CGNL1: variants seen among roughly 807,000 people sequenced by gnomAD.
CGNL1 encodes cingulin-like protein 1.
In CGNL1, 132 loss-of-function variants were observed where a neutral mutation model predicts 141.2. The observed-to-expected ratio is 0.93, with a 90% CI of 0.81 to 1.08. The LOEUF (loss-of-function observed/expected upper bound fraction) is 1.08, where lower values mean the gene tolerates loss of function less well. Ranked by LOEUF, CGNL1 falls within the 50% of genes least tolerant of loss-of-function variation. The pLI is 0.00. For missense variants in CGNL1, 1,870 were observed against 1,588.6 expected, an observed-to-expected ratio of 1.18 and a Z score of -3.01; for synonymous variants, 690 against 622.1, an observed-to-expected ratio of 1.11 and a Z score of -1.63.
chr15:57,405,062 C>T (rs1360620378), intron 1 of CGNL1: 1 of 152,022 alleles, frequency 6.6e-6, no homozygotes, highest in Non-Finnish European at 1.5e-5. Flanking sequence ...GCTTTCTTTC[C>T]TTTCTTTTTT....
intron 4 of CGNL1, among the ~76,000 whole-genome samples, chr15:57,447,994 T>C (rs1395961707): frequency 6.6e-6 from 1 of 152,232 alleles, no homozygotes; most frequent in Non-Finnish European, 1.5e-5. Flanking sequence ...ATCCTTCATT[T>C]AAAGGATGGT....
Position 57,422,545 on chromosome 15 carries a change from C to A in CGNL1, c.-15-15440C>A, listed in dbSNP as rs138618051. On this transcript the variant is annotated intron_variant, in intron 1 of 18. Coordinates refer to ENST00000281282, the MANE Select transcript of CGNL1 (RefSeq NM_032866.5). ...AAATGGAAGTGCATGTGTTAATGTT[C>A]AACAGTGGGTTAATGTCTGGAGGAT... Among the ~76,000 whole-genome samples, 251 of 152,258 alleles carry A rather than the reference C, an allele frequency of 1.6e-3. 9 individuals are homozygous for A. The highest frequency in any genetic ancestry group is 0.015 in the Admixed American group (224 of 15,296).
intron 7 of CGNL1, among the ~76,000 whole-genome samples, chr15:57,460,855 G>A (rs1446006395): frequency 6.6e-6 from 1 of 152,176 alleles, no homozygotes. Flanking sequence ...CTGGGAGCAG[G>A]CTGGCAGGGG....
chr15:57,526,643 T>C (rs941252608), intron 12 of CGNL1, among the ~76,000 whole-genome samples: 2 of 149,824 alleles, frequency 1.3e-5, no homozygotes, highest in Non-Finnish European at 2.9e-5. Flanking sequence ...ATTTTCTACA[T>C]CTCTTTTAGC....
chr15:57,452,366 A>T, intron 6 of CGNL1, 77 bp downstream of exon 6: 2 of 1,324,954 alleles, frequency 1.5e-6, no homozygotes, highest in East Asian at 2.5e-5. Context: ...TGTCCATTTA[A>T]TACTACCCAG....
rs531059772 is a variant in CGNL1, at chr15:57,376,943, G to C, written c.-16+376G>C. On this transcript the variant is annotated intron_variant, in intron 1 of 18. Transcript: ENST00000281282. ...AGTGACAGCTGGGAGAGACTCACAC[G>C]AAGCAGTTTCTGACCTATCCTGTCG... The C allele has an allele frequency of 3.3e-5, 5 of 152,358 alleles. No individual in the cohort carries two copies. In the South Asian group the frequency reaches 8.3e-4, roughly 25 times the overall value. The allele number at this position is 152,358 out of a possible 1,614,324, so 9.4% of individuals were successfully genotyped here.
At chr15:57,429,933 C>T (rs925323102) in intron 1 of CGNL1, among the ~76,000 whole-genome samples, 1 of 152,158 alleles carries the variant, frequency 6.6e-6, no homozygotes, top group Non-Finnish European at 1.5e-5. Context: ...ATCTCAGCCG[C>T]CTGAGTAGCT....
intron 1 of CGNL1, among the ~76,000 whole-genome samples, chr15:57,417,901 G>T (rs948398617): frequency 4.6e-5 from 7 of 152,186 alleles, no homozygotes; most frequent in Admixed American, 2.6e-4. Context: ...CTCTGGATTG[G>T]TTCTTTGTCA....
At chr15:57,462,222 G>A (rs1595729321) in intron 8 of CGNL1, among the ~76,000 whole-genome samples, 1 of 152,190 alleles carries the variant, frequency 6.6e-6, no homozygotes, top group East Asian at 1.9e-4. Flanking sequence ...ACGGTCAGAG[G>A]CCGAGGGCAT....
intron 14 of CGNL1, among the ~76,000 whole-genome samples, chr15:57,536,796 A>G (rs879369773): frequency 2.6e-5 from 4 of 152,176 alleles, no homozygotes; most frequent in African/African-American, 4.8e-5. Context: ...AAGTGACTAC[A>G]TAGGGTCACA....
intron 7 of CGNL1, among the ~76,000 whole-genome samples, chr15:57,455,811 C>T (rs1199637782): frequency 2.6e-5 from 4 of 152,028 alleles, no homozygotes; most frequent in East Asian, 1.9e-4. Context: ...GATGGGATAA[C>T]GATATGAGAC....
chr15:57,392,108 T>C (rs1595654203), intron 1 of CGNL1, among the ~76,000 whole-genome samples: 1 of 152,178 alleles, frequency 6.6e-6, no homozygotes, highest in Non-Finnish European at 1.5e-5. Flanking sequence ...TTCTGGGCCA[T>C]GGGATGGTGC....
chr15:57,437,993 G>A lies in CGNL1; in HGVS notation c.-7G>A, dbSNP rs764648283. On this transcript the variant is annotated 5_prime_UTR_variant, in exon 2 of 19. It adds an upstream start codon to the 5' untranslated region. Transcript: ENST00000281282. ...CCATCTCTCCCTGGTAGCTGGAACA[G>A]TGAACCATGGAGCTGTATTTCGGTG... 3.7e-6 allele frequency: 6 copies of A among 1,606,846 alleles called. No individual in the cohort carries two copies. In the African/African-American group the frequency reaches 8.0e-5, roughly 21 times the overall value.
chr15:57,471,601 T>A (rs1249058222), intron 8 of CGNL1, among the ~76,000 whole-genome samples: 1 of 152,132 alleles, frequency 6.6e-6, no homozygotes, highest in Non-Finnish European at 1.5e-5. Context: ...AGGAGCTTGG[T>A]CGCGTGGTCA....
At chr15:57,450,820 C>T (rs1318699504) in intron 4 of CGNL1, among the ~76,000 whole-genome samples, 2 of 152,130 alleles carry the variant, frequency 1.3e-5, no homozygotes, top group African/African-American at 4.8e-5. Context: ...ATATTTGCTA[C>T]TCTATCATGG....
chr15:57,415,754 T>C (rs1350023133), intron 1 of CGNL1, among the ~76,000 whole-genome samples: 2 of 152,234 alleles, frequency 1.3e-5, no homozygotes, highest in African/African-American at 4.8e-5. Flanking sequence ...ATGTTCTTGG[T>C]AAATGTCTGT....
intron 8 of CGNL1, among the ~76,000 whole-genome samples, chr15:57,463,998 C>G (rs1012587752): frequency 2.0e-4 from 30 of 152,038 alleles, no homozygotes; most frequent in Admixed American, 2.0e-3. Flanking sequence ...TGTATCATAC[C>G]CTATTATAAT....
In CGNL1 at chr15:57,460,181, C is replaced by T. The variant is rs186672259; in HGVS notation, c.2191-1499C>T. 1.7e-3 allele frequency among the ~76,000 whole-genome samples: 256 copies of T among 152,060 alleles called. 3 individuals are homozygous for T. The highest frequency in any genetic ancestry group is 3.9e-3 in the Admixed American group (59 of 15,282). ...ATCTTGGCACTACAAGAAAGAAGGG[C>T]ATCTTAGAGAGACAGGAAGGGAGGA... is the stretch of plus-strand genomic sequence containing the variant. On this transcript the variant is annotated intron_variant, in intron 7 of 18. Transcript: ENST00000281282.
chr15:57,461,920 T>A, intron 8 of CGNL1, 28 bp downstream of exon 8: 1 of 1,574,374 alleles, frequency 6.4e-7, no homozygotes, highest in Non-Finnish European at 8.7e-7. Context: ...AGAATCTGGC[T>A]TGTGAACAGA....
Sources: allele counts gnomAD v4.1 joint callset (sites outside exome capture counted in the v4.1 genomes callset), GRCh38; gene constraint gnomAD v4.1.1; transcripts MANE v1.5; gene names NCBI Gene and HGNC (gene_info 2026-07-23, HGNC 2026-07-21).